The following DGKB variants were observed in gnomAD, a reference collection of about 807,000 sequenced individuals.
The protein encoded by DGKB is 90 kDa diacylglycerol kinase.
DGKB carries 67 observed loss-of-function variants against 114.3 expected under a neutral mutation model. The observed-to-expected ratio is 0.59, with a 90% CI of 0.48 to 0.72. DGKB has a LOEUF of 0.72. DGKB is among the 30% of genes least tolerant of loss of function. The pLI, the probability that DGKB is intolerant of heterozygous loss-of-function variation, is 0.00. For synonymous variants in DGKB, 398 were observed against 323.1 expected (o/e 1.23, Z -2.49); for missense variants, 907 against 975.2 (o/e 0.93, Z 0.93).
chr7:14,271,520 C>T (rs1268790001), intron 23 of DGKB, among the ~76,000 whole-genome samples: 2 of 152,186 alleles, frequency 1.3e-5, no homozygotes, highest in Admixed American at 1.3e-4. Context: ...CGCAAAGCCT[C>T]CTGATTCTGT....
chr7:14,406,044 C>T (rs1335832170), intron 21 of DGKB, among the ~76,000 whole-genome samples: 1 of 151,896 alleles, frequency 6.6e-6, no homozygotes, highest in Non-Finnish European at 1.5e-5. Flanking sequence ...AACATAGAAT[C>T]TTAGTTGGTA....
At chr7:14,800,355 T>G (rs930316840) in intron 2 of DGKB, among the ~76,000 whole-genome samples, 1 of 152,170 alleles carries the variant, frequency 6.6e-6, no homozygotes, top group Non-Finnish European at 1.5e-5. Context: ...CAAAAGAAAT[T>G]AACATTTGAG....
intron 18 of DGKB, among the ~76,000 whole-genome samples, 191 bp from the exon 19 acceptor site, chr7:14,581,142 GAC>G (rs1469624249): frequency 6.6e-6 from 1 of 152,058 alleles, no homozygotes; most frequent in Non-Finnish European, 1.5e-5. Context: ...CAATTGATAA[GAC>G]ACAAATACTA....
intron 2 of DGKB, among the ~76,000 whole-genome samples, chr7:14,839,031 A>G (rs927575830): frequency 1.3e-5 from 2 of 152,078 alleles, no homozygotes; most frequent in Non-Finnish European, 2.9e-5. Flanking sequence ...TTCCGTTCCT[A>G]TCTCCAATGG....
chr7:14,973,519 G>GT (rs201473471), intron 1 of DGKB, among the ~76,000 whole-genome samples: 95 of 126,288 alleles, frequency 7.5e-4, no homozygotes, highest in African/African-American at 2.7e-3. Context: ...TTTGTTTTTT[G>GT]TTTTTTTGTT....
intron 23 of DGKB, among the ~76,000 whole-genome samples, chr7:14,315,611 A>G (rs1350646174): frequency 8.8e-5 from 13 of 148,044 alleles, no homozygotes; most frequent in Admixed American, 2.7e-4. Flanking sequence ...CACCCAATAC[A>G]GGAGCACCCA....
chr7:14,624,550 C>T (rs1488003265), intron 14 of DGKB, among the ~76,000 whole-genome samples: 3 of 152,060 alleles, frequency 2.0e-5, no homozygotes, highest in African/African-American at 7.2e-5. Flanking sequence ...TTACTTTTGG[C>T]CACACGTATA....
At chr7:14,180,677 C>T (rs1359578897) in intron 23 of DGKB, among the ~76,000 whole-genome samples, 2 of 152,160 alleles carry the variant, frequency 1.3e-5, no homozygotes, top group African/African-American at 2.4e-5. Context: ...AACACTTCCA[C>T]ATTTTTTGAT....
At chr7:14,537,093 C>G (rs1005203007) in intron 20 of DGKB, among the ~76,000 whole-genome samples, 6 of 151,744 alleles carry the variant, frequency 4.0e-5, no homozygotes, top group Admixed American at 1.3e-4. Context: ...AAAATACACC[C>G]AAGAATAAAT....
intron 15 of DGKB, among the ~76,000 whole-genome samples, chr7:14,618,455 A>C (rs1372294616): frequency 2.6e-5 from 4 of 151,682 alleles, no homozygotes; most frequent in African/African-American, 9.7e-5. Flanking sequence ...TTTAGGAACA[A>C]GGTAACTTCA....
rs115129807 is a variant in DGKB at position 14,850,145 on chromosome 7, C to G, written c.-187-8695G>C. On this transcript the variant is annotated intron_variant, in intron 1 of 25. Transcript: ENST00000402815. ...GCAATTAAATGACAATTGAAGCATC[C>G]ATTGGCAACATGGTGGCCACTGGTG... 9.6e-3 allele frequency among the ~76,000 whole-genome samples: 1,457 copies of G among 152,204 alleles called. 17 individuals are homozygous for G. Among genetic ancestry groups the G allele is most frequent in the African/African-American group, 0.034 (1,400 of 41,502 alleles).
intron 20 of DGKB, among the ~76,000 whole-genome samples, chr7:14,522,102 G>A (rs1460724989): frequency 6.6e-6 from 1 of 152,102 alleles, no homozygotes; most frequent in African/African-American, 2.4e-5. Flanking sequence ...CCAAAGATTG[G>A]TCAGAGTTGT....
At chr7:14,494,020 C>T (rs1784959481) in intron 20 of DGKB, among the ~76,000 whole-genome samples, 1 of 151,142 alleles carries the variant, frequency 6.6e-6, no homozygotes, top group African/African-American at 2.4e-5. Flanking sequence ...ATGCCATATC[C>T]AATATAAAAT....
At chr7:14,948,769 CA>C (rs1251049217) in intron 1 of DGKB, among the ~76,000 whole-genome samples, 2 of 151,180 alleles carry the variant, frequency 1.3e-5, no homozygotes, top group African/African-American at 2.4e-5. Context: ...GGAGAATCAA[CA>C]AAAACATTAA....
chr7:14,786,536 C>T (rs1210305657), intron 2 of DGKB, among the ~76,000 whole-genome samples: 4 of 152,170 alleles, frequency 2.6e-5, no homozygotes, highest in Admixed American at 6.5e-5. Context: ...CAGGAACAGG[C>T]GGAAGGCCTG....
intron 21 of DGKB, among the ~76,000 whole-genome samples, chr7:14,414,151 T>C (rs1825335394): frequency 6.6e-6 from 1 of 152,094 alleles, no homozygotes; most frequent in Non-Finnish European, 1.5e-5. Context: ...GTAGATGAAT[T>C]AGAGGGATCT....
chr7:14,379,447 G>C (rs1406639479), intron 21 of DGKB, among the ~76,000 whole-genome samples: 1 of 150,750 alleles, frequency 6.6e-6, no homozygotes, highest in Non-Finnish European at 1.5e-5. Context: ...TAGTTATTGA[G>C]AAATTTGGTG....
intron 23 of DGKB, among the ~76,000 whole-genome samples, chr7:14,267,558 G>A (rs969709228): frequency 3.3e-5 from 5 of 151,074 alleles, no homozygotes; most frequent in Non-Finnish European, 7.4e-5. Flanking sequence ...GTGCCATCTC[G>A]GCTCACTGCA....
chr7:14,313,420 A>ACC (rs1562907704), intron 23 of DGKB, among the ~76,000 whole-genome samples: 19 of 151,754 alleles, frequency 1.3e-4, no homozygotes, highest in African/African-American at 2.2e-4. Flanking sequence ...GTGTGCGCAC[A>ACC]GTGCGCGAGC....
Sources: gnomAD v4.1 joint callset for allele counts (sites outside exome capture counted in the v4.1 genomes callset) on GRCh38, gnomAD v4.1.1 for gene constraint, MANE v1.5 for transcripts, NCBI Gene and HGNC (gene_info 2026-07-23, HGNC 2026-07-21) for gene names.